ANO1: variants seen among roughly 807,000 people sequenced by gnomAD.
ANO1 encodes anoctamin 1, also known as anoctamin-1.
ANO1 carries 59 observed loss-of-function variants against 124.0 expected under a neutral mutation model. That is an observed-to-expected ratio of 0.48 (90% CI 0.39 to 0.59). ANO1 has a LOEUF of 0.59. Ranked by LOEUF, ANO1 falls within the 20% of genes least tolerant of loss-of-function variation. The pLI, the probability that ANO1 is intolerant of heterozygous loss-of-function variation, is 0.00. For missense variants in ANO1, 1,059 were observed against 1,328.0 expected (o/e 0.80, Z 3.15); for synonymous variants, 529 against 532.0 (o/e 0.99, Z 0.08).
intron 21 of ANO1, chr11:70,169,993 G>A (rs766450554): frequency 4.9e-5 from 18 of 365,110 alleles, no homozygotes; most frequent in South Asian, 3.7e-4. Flanking sequence ...GCCCCATGCT[G>A]GATGCAGCAT....
At chr11:70,103,290 G>A (rs1041082859) in intron 3 of ANO1, 126 bp downstream of exon 3, 26 of 725,928 alleles carry the variant, frequency 3.6e-5, no homozygotes, top group East Asian at 3.3e-4. Context: ...TGGGCTTCAC[G>A]GCTACCCCTG....
intron 6 of ANO1, among the ~76,000 whole-genome samples, 183 bp from the exon 7 acceptor site, chr11:70,111,524 C>T (rs1026002851): frequency 1.3e-5 from 2 of 152,216 alleles, no homozygotes; most frequent in African/African-American, 4.8e-5. Flanking sequence ...AGATCAATAA[C>T]CCAGCTGCAC....
At chr11:69,974,193 C>T in the ANO1 span, among the ~76,000 whole-genome samples, 1 of 151,922 alleles carries the variant, frequency 6.6e-6, no homozygotes, top group Admixed American at 6.6e-5. Flanking sequence ...GTGGTGGGCA[C>T]CTGTAATCCC....
the ANO1 span, among the ~76,000 whole-genome samples, chr11:69,976,384 G>A: frequency 2.0e-5 from 3 of 152,056 alleles, no homozygotes; most frequent in East Asian, 5.8e-4. Flanking sequence ...GTGGGCGCCT[G>A]TAGTCGCAGC....
At chr11:69,978,432 C>G in the ANO1 span, among the ~76,000 whole-genome samples, 2 of 152,182 alleles carry the variant, frequency 1.3e-5, no homozygotes, top group African/African-American at 4.8e-5. Flanking sequence ...CTCACTACAG[C>G]CTTGACCTCC....
intron 14 of ANO1, among the ~76,000 whole-genome samples, chr11:70,154,894 C>T (rs904690952): frequency 2.0e-5 from 3 of 152,256 alleles, no homozygotes; most frequent in South Asian, 2.1e-4. Flanking sequence ...CGGATGTGCA[C>T]GCCCGGGTGC....
At chr11:69,971,749 T>C in the ANO1 span, among the ~76,000 whole-genome samples, 1 of 152,136 alleles carries the variant, frequency 6.6e-6, no homozygotes, top group African/African-American at 2.4e-5. Context: ...CTGTGGCTAA[T>C]GCTGGATGAG....
intron 18 of ANO1, among the ~76,000 whole-genome samples, chr11:70,162,413 A>G (rs1378581191): frequency 6.6e-6 from 1 of 152,146 alleles, no homozygotes; most frequent in Non-Finnish European, 1.5e-5. Flanking sequence ...CTCCCACGGC[A>G]GGTAGGGAGG....
chr11:70,162,793 C>T (rs981948648), intron 18 of ANO1, among the ~76,000 whole-genome samples: 5 of 152,250 alleles, frequency 3.3e-5, no homozygotes, highest in Non-Finnish European at 7.3e-5. Flanking sequence ...TGGAAGCCTA[C>T]ACGCCCCACA....
intron 1 of ANO1, among the ~76,000 whole-genome samples, chr11:70,069,144 T>G (rs1302764077): frequency 1.1e-4 from 16 of 152,250 alleles, no homozygotes; most frequent in Admixed American, 1.0e-3. Context: ...TCTTTGCTTT[T>G]ACCCTGGTTT....
rs368966216 is a variant in ANO1, at chr11:70,001,134, C to T, written c.58+14968C>T. 1.2e-4 allele frequency among the ~76,000 whole-genome samples: 19 copies of T among 152,318 alleles called. No homozygotes were observed. The East Asian group carries it at 1.7e-3, about 14-fold the overall frequency. On this transcript the variant is annotated intron_variant, in intron 1 of 27. Transcript: ENST00000531349. ...ATGTTGGACACTTCTGGAGGCTGCT[C>T]CTGGGATGTTCTATGGCAGAGCCAT...
intron 1 of ANO1, among the ~76,000 whole-genome samples, chr11:69,999,771 C>T (rs1311610473): frequency 3.9e-5 from 6 of 152,180 alleles, no homozygotes; most frequent in Non-Finnish European, 8.8e-5. Context: ...CTTTCTGCTG[C>T]AAATTGGCCA....
chr11:70,100,508 G>A (rs933164465), intron 2 of ANO1, among the ~76,000 whole-genome samples: 3 of 152,204 alleles, frequency 2.0e-5, no homozygotes, highest in Admixed American at 6.5e-5. Flanking sequence ...AGCTGGGAGA[G>A]GCAGGAAGGA....
intron 22 of ANO1, among the ~76,000 whole-genome samples, chr11:70,173,239 C>G (rs2048543346): frequency 1.3e-5 from 2 of 152,216 alleles, no homozygotes. Flanking sequence ...GCGTAAGGCC[C>G]TGGCTTTGAA....
At chr11:70,114,715 A>G (rs1291905490) in intron 7 of ANO1, among the ~76,000 whole-genome samples, 2 of 152,094 alleles carry the variant, frequency 1.3e-5, no homozygotes, top group African/African-American at 4.8e-5. Context: ...CCTGACCAAC[A>G]TGGCGAAACC....
At chr11:70,113,170 G>A (rs901860632) in intron 7 of ANO1, among the ~76,000 whole-genome samples, 1 of 151,238 alleles carries the variant, frequency 6.6e-6, no homozygotes, top group African/African-American at 2.4e-5. Context: ...ACGCCTGCCT[G>A]TTGCCTTCCT....
Position 70,140,041 on chromosome 11 carries a change from C to T in ANO1, c.1258+7962C>T, listed in dbSNP as rs1034145784. ...TGAGGACTGCCTCCGTGCCAGGCCC[C>T]GGGCTAAGGGCTCTACACCGGCTCT... On this transcript the variant is annotated intron_variant, in intron 11 of 25. Transcript: ENST00000355303. Among the ~76,000 whole-genome samples the T allele has an allele frequency of 5.3e-5, 8 of 152,288 alleles. No homozygotes were observed. The East Asian group carries it at 7.7e-4, about 15-fold the overall frequency.
At chr11:70,129,628 CTTT>C (rs5792510) in intron 10 of ANO1, 8 of 142,540 alleles carry the variant, frequency 5.6e-5, no homozygotes, top group Non-Finnish European at 9.2e-5. Context: ...CACCCCCCGC[CTTT>C]TTTTTTTTTT....
intron 22 of ANO1, among the ~76,000 whole-genome samples, chr11:70,173,346 C>T (rs2048547475): frequency 6.6e-6 from 1 of 152,180 alleles, no homozygotes; most frequent in Admixed American, 6.5e-5. Context: ...TGCTTCCCTA[C>T]ATCACCTCTT....
Sources: allele counts gnomAD v4.1 joint callset (sites outside exome capture counted in the v4.1 genomes callset), GRCh38; gene constraint gnomAD v4.1.1; transcripts MANE v1.5; gene names NCBI Gene and HGNC (gene_info 2026-07-23, HGNC 2026-07-21).